Variants in VCF1 observed in about 807,000 individuals in gnomAD.
The protein encoded by VCF1 is VCP nuclear cofactor family member 1.
At chr17:73,216,284 A>G in the VCF1 span, among the ~76,000 whole-genome samples, 63 of 152,306 alleles carry the variant, frequency 4.1e-4, no homozygotes, top group African/African-American at 1.5e-3. Context: ...GGAAGAAGAC[A>G]TAGGGTACTC....
the VCF1 span, chr17:73,208,167 G>C: frequency 6.5e-7 from 1 of 1,535,556 alleles, no homozygotes; most frequent in Non-Finnish European, 8.7e-7. Flanking sequence ...AATCTGGACC[G>C]ACAGCAAAGT....
At chr17:73,207,460 AC>A in the VCF1 span, 3 of 686,612 alleles carry the variant, frequency 4.4e-6, no homozygotes, top group Non-Finnish European at 7.8e-6. Flanking sequence ...CGCTGACACT[AC>A]CAAGTAGCCT....
At chr17:73,227,369 AG>A in the VCF1 span, 1 of 923,644 alleles carries the variant, frequency 1.1e-6, no homozygotes. Context: ...CTCTGGCCTG[AG>A]AAAACATAAT....
the VCF1 span, among the ~76,000 whole-genome samples, chr17:73,210,496 A>T: frequency 4.0e-4 from 32 of 79,606 alleles, no homozygotes; most frequent in East Asian, 6.6e-4. Flanking sequence ...TTCATGTTTT[A>T]AAAAAAAAAA....
chr17:73,221,931 G>A, the VCF1 span, among the ~76,000 whole-genome samples: 1 of 151,702 alleles, frequency 6.6e-6, no homozygotes, highest in Non-Finnish European at 1.5e-5. Flanking sequence ...CTACTCGGGA[G>A]GCTGAGGCAG....
the VCF1 span, chr17:73,229,678 C>A: frequency 5.4e-6 from 3 of 560,526 alleles, no homozygotes; most frequent in Non-Finnish European, 6.8e-6. Flanking sequence ...CCAGCCTGGC[C>A]CACATGGTGA....
At chr17:73,207,493 A>G in the VCF1 span, 2 of 635,688 alleles carry the variant, frequency 3.1e-6, no homozygotes, top group African/African-American at 3.7e-5. Flanking sequence ...TGTAGAAAAT[A>G]TACAGGACAG....
chr17:73,208,481 A>C, the VCF1 span: 1 of 1,609,616 alleles, frequency 6.2e-7, no homozygotes, highest in Non-Finnish European at 8.5e-7. Flanking sequence ...CTCCCTAAAT[A>C]AATACTACCA....
chr17:73,229,464 A>G, the VCF1 span: 1 of 985,312 alleles, frequency 1.0e-6, no homozygotes, highest in Admixed American at 6.2e-5. Flanking sequence ...GGTGCAGATT[A>G]CCAGTTAGCA....
At chr17:73,224,322 G>A in the VCF1 span, among the ~76,000 whole-genome samples, 5 of 149,624 alleles carry the variant, frequency 3.3e-5, no homozygotes, top group African/African-American at 1.2e-4. Flanking sequence ...GCATGTGCCT[G>A]TAGTTCCAGC....
At chr17:73,210,979 G>A in the VCF1 span, among the ~76,000 whole-genome samples, 1 of 152,050 alleles carries the variant, frequency 6.6e-6, no homozygotes, top group East Asian at 1.9e-4. Flanking sequence ...GTACCTTTCT[G>A]TGTTTACAGT....
At chr17:73,211,774 C>A in the VCF1 span, among the ~76,000 whole-genome samples, 1 of 152,084 alleles carries the variant, frequency 6.6e-6, no homozygotes, top group Non-Finnish European at 1.5e-5. Context: ...GCAAGAGAAT[C>A]GCTTGAACCC....
At chr17:73,210,510 AAAAGTCAC>A in the VCF1 span, among the ~76,000 whole-genome samples, 1 of 152,062 alleles carries the variant, frequency 6.6e-6, no homozygotes, top group African/African-American at 2.4e-5. Context: ...AAAAAAAAAA[AAAAGTCAC>A]TTTCAGAAAT....
the VCF1 span, among the ~76,000 whole-genome samples, chr17:73,217,006 T>G: frequency 6.6e-6 from 1 of 152,166 alleles, no homozygotes; most frequent in East Asian, 1.9e-4. Flanking sequence ...ATGTGTATAT[T>G]ATCTAGAACC....
the VCF1 span, chr17:73,232,376 A>G: frequency 7.0e-7 from 1 of 1,434,148 alleles, no homozygotes; most frequent in South Asian, 1.5e-5. Context: ...CCGACTGGTA[A>G]CCCCGCCCAC....
At chr17:73,213,517 A>C in the VCF1 span, among the ~76,000 whole-genome samples, 1 of 152,236 alleles carries the variant, frequency 6.6e-6, no homozygotes, top group African/African-American at 2.4e-5. Context: ...GTGTATTCAT[A>C]CATATATTTA....
chr17:73,207,949 C>T, the VCF1 span: 4 of 1,203,200 alleles, frequency 3.3e-6, no homozygotes, highest in African/African-American at 4.7e-5. Context: ...AAAAAAAAAG[C>T]TCTTGCAAAA....
At chr17:73,228,772 A>T in the VCF1 span, among the ~76,000 whole-genome samples, 1 of 152,230 alleles carries the variant, frequency 6.6e-6, no homozygotes, top group Non-Finnish European at 1.5e-5. Context: ...TGCTAATTTC[A>T]TCCTAATATG....
At chr17:73,218,448 T>C in the VCF1 span, among the ~76,000 whole-genome samples, 112,738 of 152,194 alleles carry the variant, frequency 0.74, 43,206 homozygotes, top group Non-Finnish European at 0.84. Context: ...TTAAAGTTCC[T>C]TCTGAATGGA....
Sources: allele counts gnomAD v4.1 joint callset (sites outside exome capture counted in the v4.1 genomes callset), GRCh38; gene constraint gnomAD v4.1.1; transcripts MANE v1.5; gene names NCBI Gene and HGNC (gene_info 2026-07-23, HGNC 2026-07-21).